PDZD2: variants seen among roughly 807,000 people sequenced by gnomAD.
The protein encoded by PDZD2 is PDZ domain containing 2.
Under a neutral mutation model 220.7 loss-of-function variants are expected in PDZD2, and 90 were observed. The ratio of observed to expected loss-of-function variants is 0.41; its 90% CI spans 0.34 to 0.49. The LOEUF (loss-of-function observed/expected upper bound fraction) is 0.49, where lower values mean the gene tolerates loss of function less well. PDZD2 is among the 20% of genes least tolerant of loss of function. PDZD2 has a pLI of 0.28. For synonymous variants in PDZD2, 1,375 were observed against 1,450.5 expected, an observed-to-expected ratio of 0.95 and a Z score of 1.18; for missense variants, 3,174 against 3,608.5, an observed-to-expected ratio of 0.88 and a Z score of 3.08.
rs1002855275 is a variant in PDZD2 at position 31,826,946 on chromosome 5, T to G, written c.476+27222T>G. Among the ~76,000 whole-genome samples the G allele has an allele frequency of 1.6e-4, 24 of 152,116 alleles. 1 individual carries two copies. The highest frequency in any genetic ancestry group is 5.6e-4 in the African/African-American group (23 of 41,414). ...GACCTGCCTCCAAGACCTGAGTCTT[T>G]TTTTGCTGGGATGCTCTGTCAATTG... is the stretch of plus-strand genomic sequence containing the variant. On this transcript the variant is annotated intron_variant, in intron 2 of 24. Transcript: ENST00000438447.
At chr5:31,667,500 G>T (rs1375950067) in intron 1 of PDZD2, among the ~76,000 whole-genome samples, 1 of 152,078 alleles carries the variant, frequency 6.6e-6, no homozygotes, top group Admixed American at 6.6e-5. Context: ...GCTGGATAGT[G>T]GGGGCTGGGA....
intron 1 of PDZD2, among the ~76,000 whole-genome samples, chr5:31,730,472 G>A (rs967591514): frequency 2.0e-5 from 3 of 152,080 alleles, no homozygotes; most frequent in East Asian, 1.9e-4. Context: ...GGAGAGGGTC[G>A]GCCCTCCAGC....
chr5:32,003,278 CCACA>C (rs1222670114), intron 5 of PDZD2, among the ~76,000 whole-genome samples: 9 of 140,492 alleles, frequency 6.4e-5, no homozygotes, highest in Non-Finnish European at 1.4e-4. Flanking sequence ...CACACACACA[CCACA>C]CACACACCAC....
At chr5:31,985,511 A>G (rs768117075) in intron 3 of PDZD2, among the ~76,000 whole-genome samples, 25 of 152,090 alleles carry the variant, frequency 1.6e-4, no homozygotes, top group Non-Finnish European at 2.9e-4. Flanking sequence ...CCTGGCCAAC[A>G]TAGCAAAACC....
chr5:31,856,334 G>A (rs1758442127), intron 2 of PDZD2, among the ~76,000 whole-genome samples: 1 of 152,132 alleles, frequency 6.6e-6, no homozygotes, highest in African/African-American at 2.4e-5. Flanking sequence ...GCAGCTGCAG[G>A]ACTCACAGAC....
chr5:32,001,716 A>G (rs1290738812), intron 5 of PDZD2, among the ~76,000 whole-genome samples: 1 of 152,218 alleles, frequency 6.6e-6, no homozygotes, highest in East Asian at 1.9e-4. Flanking sequence ...CTGTGGTAAG[A>G]AAGAGGAGGC....
intron 6 of PDZD2, among the ~76,000 whole-genome samples, chr5:32,018,358 C>A (rs571719044): frequency 1.3e-5 from 2 of 152,332 alleles, no homozygotes; most frequent in South Asian, 4.1e-4. Flanking sequence ...CCTCTGTGTG[C>A]ACGGCGTTGA....
intron 2 of PDZD2, among the ~76,000 whole-genome samples, chr5:31,841,241 A>T (rs1281691342): frequency 6.6e-6 from 1 of 152,152 alleles, no homozygotes; most frequent in Non-Finnish European, 1.5e-5. Context: ...AAACACACAC[A>T]TCTACAAGAA....
intron 1 of PDZD2, among the ~76,000 whole-genome samples, chr5:31,651,813 G>A (rs1274461259): frequency 6.7e-6 from 1 of 148,804 alleles, no homozygotes; most frequent in African/African-American, 2.5e-5. Context: ...TTGTTTGTTT[G>A]TTTTTGTTTG....
At chr5:31,972,113 G>C (rs1228409335) in intron 2 of PDZD2, among the ~76,000 whole-genome samples, 1 of 152,058 alleles carries the variant, frequency 6.6e-6, no homozygotes, top group African/African-American at 2.4e-5. Flanking sequence ...TGGAACCTTT[G>C]TAGCCTGTTC....
Position 32,088,489 on chromosome 5 carries a change from G to A in PDZD2, c.5041G>A (p.Asp1681Asn). The change falls in exon 20 of 25, where the codon GAC becomes AAC. Residue 1681 changes from aspartate (D) to asparagine (N), a missense_variant. Around this residue, in one of 4 missense-constraint regions of PDZD2, gnomAD observed 1,861 missense variants for 2,001.0 expected, o/e 0.93. Coordinates refer to ENST00000438447, the MANE Select transcript of PDZD2 (RefSeq NM_178140.4). The surrounding 1 kb of genome is among the most constrained non-coding windows in gnomAD (Gnocchi z 4.6). Reference protein sequence around the residue: ...MSSQEHETHADISTSQNHRPS... With the variant: ...MSSQEHETHANISTSQNHRPS... Reference sequence around the variant, plus strand: ...CTCTCAGGAGCATGAAACTCATGCGGACATAAGCACTTCACAGAACCACAG... The same window carrying A: ...CTCTCAGGAGCATGAAACTCATGCGAACATAAGCACTTCACAGAACCACAG... 1 of 1,614,148 alleles carries A rather than the reference G, an allele frequency of 6.2e-7. No individual in the cohort carries two copies. The highest frequency in any genetic ancestry group is 8.5e-7 in the Non-Finnish European group (1 of 1,180,030).
chr5:31,896,368 ATGTGTG>A (rs1043260378), intron 2 of PDZD2, among the ~76,000 whole-genome samples: 1 of 85,266 alleles, frequency 1.2e-5, no homozygotes, highest in African/African-American at 4.3e-5. Context: ...GTGTGTGTGT[ATGTGTG>A]TGTGTGAAAT....
At chr5:32,035,356 G>A (rs965209150) in intron 6 of PDZD2, among the ~76,000 whole-genome samples, 1 of 151,920 alleles carries the variant, frequency 6.6e-6, no homozygotes, top group Non-Finnish European at 1.5e-5. Flanking sequence ...CGCCTCCCAG[G>A]TTCAAGTGAT....
At chr5:32,042,585 A>T (rs561400722) in intron 7 of PDZD2, among the ~76,000 whole-genome samples, 1 of 152,116 alleles carries the variant, frequency 6.6e-6, no homozygotes, top group Non-Finnish European at 1.5e-5. Flanking sequence ...AAGAAAAAGA[A>T]AAAAAAGAAT....
intron 19 of PDZD2, among the ~76,000 whole-genome samples, chr5:32,079,560 A>C (rs924973320): frequency 4.6e-5 from 7 of 151,890 alleles, no homozygotes; most frequent in Admixed American, 3.3e-4. Context: ...TAATCCCAGC[A>C]CTTTGGGAGG....
chr5:31,933,163 G>A (rs1009769909), intron 2 of PDZD2, among the ~76,000 whole-genome samples: 8 of 152,174 alleles, frequency 5.3e-5, no homozygotes, highest in South Asian at 2.1e-4. Context: ...CACCCACCTC[G>A]GTCTCCCAAA....
At chr5:31,940,115 C>T (rs1381973328) in intron 2 of PDZD2, among the ~76,000 whole-genome samples, 1 of 152,168 alleles carries the variant, frequency 6.6e-6, no homozygotes, top group East Asian at 1.9e-4. Flanking sequence ...ACATTACCTA[C>T]GGTGGCACTG....
intron 1 of PDZD2, among the ~76,000 whole-genome samples, chr5:31,694,226 T>G (rs1288690230): frequency 6.6e-6 from 1 of 152,028 alleles, no homozygotes; most frequent in East Asian, 1.9e-4. Context: ...ACCCCATCTC[T>G]ACTAAAAATA....
intron 2 of PDZD2, among the ~76,000 whole-genome samples, chr5:31,813,449 CAAAAAAAAAAAAA>C (rs60551914): frequency 1.1e-5 from 1 of 94,190 alleles, no homozygotes. Flanking sequence ...GACTCCGTCT[CAAAAAAAAAAAAA>C]AAAAAAAAAA....
Sources: gnomAD v4.1 joint callset for allele counts (sites outside exome capture counted in the v4.1 genomes callset) on GRCh38, gnomAD v4.1.1 for gene constraint, gnomAD v4.1.1 regional missense constraint, Gnocchi (gnomAD v3.1) non-coding constraint, MANE v1.5 for transcripts, NCBI Gene and HGNC (gene_info 2026-07-23, HGNC 2026-07-21) for gene names.